Variants in SLC7A5 observed in about 807,000 individuals in gnomAD.
The protein encoded by SLC7A5 is solute carrier family 7 member 5.
In SLC7A5, 23 loss-of-function variants were observed where a neutral mutation model predicts 50.2. The ratio of observed to expected loss-of-function variants is 0.46; its 90% CI spans 0.33 to 0.65. The LOEUF is 0.65. SLC7A5 is among the 30% of genes least tolerant of loss of function. The pLI, the probability that SLC7A5 is intolerant of heterozygous loss-of-function variation, is 0.02. For synonymous variants in SLC7A5, 393 were observed against 330.6 expected (o/e 1.19, Z -2.05); for missense variants, 578 against 684.4 (o/e 0.84, Z 1.73).
intron 2 of SLC7A5, among the ~76,000 whole-genome samples, chr16:87,848,888 T>C (rs1259968621): frequency 6.6e-6 from 1 of 151,816 alleles, no homozygotes; most frequent in East Asian, 1.9e-4. Context: ...AAGGGGTGAT[T>C]ACAAACTTCC....
chr16:87,848,915 A>AGGCAAGAGGCTGTAC (rs11267756), intron 2 of SLC7A5, among the ~76,000 whole-genome samples: 66,386 of 151,792 alleles, frequency 0.44, 16,647 homozygotes, highest in African/African-American at 0.68. Flanking sequence ...AGGAGGAAAC[A>AGGCAAGAGGCTGTAC]GGTCAGCCAA....
At chr16:87,836,070 C>G (rs185285385) in intron 8 of SLC7A5, among the ~76,000 whole-genome samples, 1 of 152,180 alleles carries the variant, frequency 6.6e-6, no homozygotes, top group African/African-American at 2.4e-5. Flanking sequence ...CCGCTGGGGA[C>G]GGGGAGAGTC....
intron 1 of SLC7A5, among the ~76,000 whole-genome samples, chr16:87,868,134 G>A (rs878893758): frequency 0.023 from 2,355 of 103,096 alleles, 76 homozygotes; most frequent in African/African-American, 0.11. Context: ...AAAAAAAAAA[G>A]AAAGAAAAAG....
chr16:87,842,348 T>C (rs546516625), intron 2 of SLC7A5, among the ~76,000 whole-genome samples: 2 of 152,226 alleles, frequency 1.3e-5, no homozygotes, highest in African/African-American at 2.4e-5. Flanking sequence ...CAGGTCACCA[T>C]GGGGGCCCAA....
chr16:87,858,845 C>A (rs1469292270), intron 1 of SLC7A5, among the ~76,000 whole-genome samples: 1 of 152,222 alleles, frequency 6.6e-6, no homozygotes, highest in Non-Finnish European at 1.5e-5. Flanking sequence ...AGCCTGTACA[C>A]CCGACAGGAG....
chr16:87,835,764 G>C (rs140589010), intron 8 of SLC7A5, among the ~76,000 whole-genome samples: 1 of 152,130 alleles, frequency 6.6e-6, no homozygotes, highest in Non-Finnish European at 1.5e-5. Flanking sequence ...GTGAGCCACC[G>C]CGCCCAGCCT....
At chr16:87,845,873 G>A (rs1046280491) in intron 2 of SLC7A5, among the ~76,000 whole-genome samples, 3 of 152,218 alleles carry the variant, frequency 2.0e-5, no homozygotes, top group African/African-American at 7.2e-5. Context: ...ACCGGGAGGT[G>A]AAGGCCGCGG....
chr16:87,851,994 G>A (rs2055232141), intron 1 of SLC7A5, 145 bp from the exon 2 acceptor site: 1 of 902,874 alleles, frequency 1.1e-6, no homozygotes, highest in Admixed American at 2.2e-5. Context: ...TCCCCTGCCA[G>A]CCCTTAGGGC....
intron 7 of SLC7A5, 110 bp from the exon 8 acceptor site, chr16:87,836,757 G>A (rs1360921180): frequency 2.5e-6 from 3 of 1,195,006 alleles, no homozygotes; most frequent in African/African-American, 3.0e-5. Context: ...CTGAGCACCA[G>A]GGAATTTTGT....
chr16:87,840,438 T>C lies in SLC7A5; in HGVS notation c.806A>G (p.Asn269Ser), dbSNP rs750247543. Residue 269 changes from asparagine to serine, a missense_variant, in exon 4 of 10, where the codon AAC becomes AGC. Asn to Ser is a conservative substitution (Grantham distance 46). Coordinates refer to ENST00000261622, the MANE Select transcript of SLC7A5 (RefSeq NM_003486.7). ...CCATTCTTGCACGTACCTGTAGGGG[T>C]TGATCATTTCCTCTGTGACGAAATT... ...YLNFVTEEMI[N>S]PYRNLPLAII... 137 of 1,612,440 alleles carry C rather than the reference T, an allele frequency of 8.5e-5. No individual in the cohort carries two copies. The Middle Eastern group carries it at 2.8e-3, about 33-fold the overall frequency.
chr16:87,843,070 T>G (rs925007659), intron 2 of SLC7A5, among the ~76,000 whole-genome samples: 1 of 152,036 alleles, frequency 6.6e-6, no homozygotes, highest in African/African-American at 2.4e-5. Context: ...GCACTCATGG[T>G]GGGAGGGGGT....
At chr16:87,849,847 T>G (rs1187081402) in intron 2 of SLC7A5, among the ~76,000 whole-genome samples, 6 of 152,062 alleles carry the variant, frequency 3.9e-5, no homozygotes, top group South Asian at 2.1e-4. Flanking sequence ...GACACATGCA[T>G]GGGGGATGGG....
Position 87,851,866 on chromosome 16 carries a change from C to A in SLC7A5, c.539-17G>T. The stretch of plus-strand genomic sequence containing the variant: ...TGAGCAGCACTGTGGAGACAGAGGG[C>A]AGCGGTGAGTTCCACGGGCAGACAG... On this transcript the variant is annotated splice_polypyrimidine_tract_variant and intron_variant, in intron 1 of 9. Coordinates refer to ENST00000261622, the MANE Select transcript of SLC7A5 (RefSeq NM_003486.7). 1 of 1,612,540 alleles carries A rather than the reference C, an allele frequency of 6.2e-7. No homozygotes were observed.
chr16:87,855,886 CCG>C (rs2055311422), intron 1 of SLC7A5, among the ~76,000 whole-genome samples: 2 of 152,296 alleles, frequency 1.3e-5, no homozygotes, highest in South Asian at 4.1e-4. Flanking sequence ...ACAGGAGCAT[CCG>C]TGGATAGGGT....
intron 3 of SLC7A5, 34 bp from the exon 4 acceptor site, chr16:87,840,507 A>G (rs769888952): frequency 6.8e-7 from 1 of 1,470,614 alleles, no homozygotes; most frequent in South Asian, 1.2e-5. Context: ...AAATTATATG[A>G]TCCTCATCAG....
At chr16:87,857,467 G>A (rs1661268940) in intron 1 of SLC7A5, among the ~76,000 whole-genome samples, 1 of 152,226 alleles carries the variant, frequency 6.6e-6, no homozygotes. Flanking sequence ...ATTTTTAGTA[G>A]AGACAAGCGT....
intron 1 of SLC7A5, among the ~76,000 whole-genome samples, chr16:87,854,844 C>G (rs938680795): frequency 3.3e-5 from 5 of 152,230 alleles, no homozygotes; most frequent in Non-Finnish European, 5.9e-5. Flanking sequence ...TCCAGAGGAG[C>G]TGGGGTGCCT....
intron 1 of SLC7A5, among the ~76,000 whole-genome samples, chr16:87,863,326 G>A (rs1245034783): frequency 7.2e-5 from 11 of 152,234 alleles, no homozygotes; most frequent in Non-Finnish European, 1.0e-4. Flanking sequence ...ACAGTGGACC[G>A]GGACTTTGAG....
At chr16:87,868,828 G>A in intron 1 of SLC7A5, 57 bp downstream of exon 1, 1 of 1,511,572 alleles carries the variant, frequency 6.6e-7, no homozygotes, top group Non-Finnish European at 9.0e-7. Flanking sequence ...GTGATGCAAG[G>A]ATGCAGGGAC....
Sources: gnomAD v4.1 joint callset for allele counts (sites outside exome capture counted in the v4.1 genomes callset) on GRCh38, gnomAD v4.1.1 for gene constraint, MANE v1.5 for transcripts, NCBI Gene and HGNC (gene_info 2026-07-23, HGNC 2026-07-21) for gene names.